GLRA3: variants seen among roughly 807,000 people sequenced by gnomAD.
GLRA3 encodes glycine receptor alpha 3, also known as glycine receptor subunit alpha-3.
GLRA3 carries 44 observed loss-of-function variants against 60.4 expected under a neutral mutation model. That is an observed-to-expected ratio of 0.73 (90% CI 0.57 to 0.94). GLRA3 has a LOEUF of 0.94. Among genes scored for constraint, GLRA3 ranks in the 40% least tolerant of loss-of-function variants. The pLI, the probability that GLRA3 is intolerant of heterozygous loss-of-function variation, is 0.00. For synonymous variants in GLRA3, 223 were observed against 192.9 expected, an observed-to-expected ratio of 1.16 and a Z score of -1.29; for missense variants, 508 against 564.6, an observed-to-expected ratio of 0.90 and a Z score of 1.02.
chr4:174,695,848 T>G (rs559262447), intron 5 of GLRA3, among the ~76,000 whole-genome samples: 75 of 152,260 alleles, frequency 4.9e-4, no homozygotes, highest in Admixed American at 1.2e-3. Context: ...CCCCATAGTC[T>G]TGGCTCAAAA....
chr4:174,696,729 G>T (rs551628117), intron 5 of GLRA3, among the ~76,000 whole-genome samples: 209 of 152,018 alleles, frequency 1.4e-3, no homozygotes, highest in Non-Finnish European at 2.2e-3. Context: ...CTGTATTTTT[G>T]TTTGAAATAT....
chr4:174,680,504 A>C (rs1734301337), intron 6 of GLRA3, among the ~76,000 whole-genome samples: 1 of 152,206 alleles, frequency 6.6e-6, no homozygotes, highest in Admixed American at 6.5e-5. Flanking sequence ...ATAACCCTGA[A>C]GAAAGTGGGA....
Position 174,828,988 on chromosome 4 carries a change from G to A in GLRA3, c.-177C>T. Reference sequence around the variant, plus strand: ...TATGCGGACCCCTTCTCAGCATTGAGCAGAAGTGGAGAGTCACAGTGTTAT... The same window carrying A: ...TATGCGGACCCCTTCTCAGCATTGAACAGAAGTGGAGAGTCACAGTGTTAT... On this transcript the variant is annotated 5_prime_UTR_variant, in exon 1 of 10. Coordinates refer to ENST00000274093, the MANE Select transcript of GLRA3 (RefSeq NM_006529.4). 1 of 594,004 alleles carries A rather than the reference G, an allele frequency of 1.7e-6. No individual in the cohort carries two copies. Among genetic ancestry groups the A allele is most frequent in the Admixed American group, 2.9e-5 (1 of 34,988 alleles). 36.8% of individuals were successfully genotyped at this position (594,004 alleles called of 1,614,324 possible). A position where few individuals can be genotyped will look rare whatever the true frequency, so the allele number is the denominator to read the frequency against.
At chr4:174,810,325 G>A (rs540853729) in intron 1 of GLRA3, among the ~76,000 whole-genome samples, 1 of 152,092 alleles carries the variant, frequency 6.6e-6, no homozygotes, top group Admixed American at 6.6e-5. Context: ...ATGGATTAGC[G>A]GTGGGGAGAG....
intron 1 of GLRA3, among the ~76,000 whole-genome samples, chr4:174,807,859 A>C (rs1740110313): frequency 6.6e-6 from 1 of 152,142 alleles, no homozygotes; most frequent in Admixed American, 6.6e-5. Flanking sequence ...CTACCTGCAT[A>C]AATGCTCTCC....
At chr4:174,645,703 C>T (rs1211476455) in intron 9 of GLRA3, among the ~76,000 whole-genome samples, 2 of 152,090 alleles carry the variant, frequency 1.3e-5, no homozygotes, top group Non-Finnish European at 2.9e-5. Context: ...GAAAGAAAAA[C>T]TGACAGTCCA....
chr4:174,792,326 C>T (rs1452861956), intron 1 of GLRA3, among the ~76,000 whole-genome samples: 3 of 151,936 alleles, frequency 2.0e-5, no homozygotes, highest in Non-Finnish European at 4.4e-5. Flanking sequence ...TTGTAGATGT[C>T]CATTTTCTGT....
At chr4:174,715,721 C>A in intron 4 of GLRA3, 151 bp from the exon 5 acceptor site, 1 of 503,646 alleles carries the variant, frequency 2.0e-6, no homozygotes. Context: ...TATAAAATAG[C>A]TATGCCCTTA....
At chr4:174,787,216 T>C (rs1017256326) in intron 2 of GLRA3, among the ~76,000 whole-genome samples, 3 of 152,176 alleles carry the variant, frequency 2.0e-5, no homozygotes, top group African/African-American at 4.8e-5. Flanking sequence ...AGACTGTTTA[T>C]ATGCTTTTTA....
rs576345975 is a variant in GLRA3, at chr4:174,727,595, A to C, written c.491+880T>G. 1.1e-3 allele frequency among the ~76,000 whole-genome samples: 164 copies of C among 152,298 alleles called. 1 individual carries two copies. The highest frequency in any genetic ancestry group is 2.8e-3 in the Admixed American group (43 of 15,292). On this transcript the variant is annotated intron_variant, in intron 4 of 9. Coordinates refer to ENST00000274093, the MANE Select transcript of GLRA3 (RefSeq NM_006529.4). ...AACTAAATTAGAAAAACAATTATGG[A>C]AAATTTTTAAATAATCACTATTTTA...
At chr4:174,763,012 A>G (rs1450629659) in intron 3 of GLRA3, among the ~76,000 whole-genome samples, 1 of 152,060 alleles carries the variant, frequency 6.6e-6, no homozygotes. Flanking sequence ...TACATGTTCT[A>G]TTGTGTTTGT....
chr4:174,701,101 G>A (rs1735299717), intron 5 of GLRA3, among the ~76,000 whole-genome samples: 1 of 152,100 alleles, frequency 6.6e-6, no homozygotes, highest in African/African-American at 2.4e-5. Flanking sequence ...ATGCCATCTG[G>A]GACTTTCATA....
intron 1 of GLRA3, among the ~76,000 whole-genome samples, chr4:174,816,161 G>T (rs1034577697): frequency 6.6e-6 from 1 of 152,136 alleles, no homozygotes; most frequent in African/African-American, 2.4e-5. Context: ...TGAATAGCTA[G>T]GTCCATGATG....
At chr4:174,825,514 A>C (rs931823415) in intron 1 of GLRA3, among the ~76,000 whole-genome samples, 29 of 152,132 alleles carry the variant, frequency 1.9e-4, no homozygotes, top group Non-Finnish European at 4.1e-4. Flanking sequence ...AAATTAAATG[A>C]TATGGCAAGA....
chr4:174,743,512 G>T (rs1391745854), intron 3 of GLRA3, among the ~76,000 whole-genome samples: 2 of 151,958 alleles, frequency 1.3e-5, no homozygotes, highest in Non-Finnish European at 2.9e-5. Context: ...CTCATAATTA[G>T]ATTGGTATTA....
chr4:174,667,305 G>A (rs1463179978), intron 7 of GLRA3, among the ~76,000 whole-genome samples: 1 of 152,066 alleles, frequency 6.6e-6, no homozygotes. Flanking sequence ...TCCAGAGAAA[G>A]TCAGGAGGGC....
At chr4:174,804,421 G>T (rs1457872503) in intron 1 of GLRA3, among the ~76,000 whole-genome samples, 2 of 152,114 alleles carry the variant, frequency 1.3e-5, no homozygotes, top group African/African-American at 4.8e-5. Context: ...GCCCCATTAA[G>T]AGACAATTCT....
At chr4:174,656,131 A>AT (rs905177014) in intron 9 of GLRA3, among the ~76,000 whole-genome samples, 1 of 152,052 alleles carries the variant, frequency 6.6e-6, no homozygotes, top group Non-Finnish European at 1.5e-5. Flanking sequence ...CAAACTATCT[A>AT]TTTTAGATTG....
intron 9 of GLRA3, among the ~76,000 whole-genome samples, chr4:174,649,778 A>G (rs991383220): frequency 7.4e-5 from 11 of 149,226 alleles, no homozygotes; most frequent in African/African-American, 2.8e-4. Flanking sequence ...AGTTCAGGAC[A>G]GAGATGGCTG....
Sources: allele counts gnomAD v4.1 joint callset (sites outside exome capture counted in the v4.1 genomes callset), GRCh38; gene constraint gnomAD v4.1.1; transcripts MANE v1.5; gene names NCBI Gene and HGNC (gene_info 2026-07-23, HGNC 2026-07-21).